Variants in EML4 observed in about 807,000 individuals in gnomAD.
EML4 encodes EMAP like 4.
EML4 carries 72 observed loss-of-function variants against 129.0 expected under a neutral mutation model. The ratio of observed to expected loss-of-function variants is 0.56; its 90% confidence interval spans 0.46 to 0.68. EML4 has a LOEUF of 0.68. Ranked by LOEUF, EML4 falls within the 30% of genes least tolerant of loss-of-function variation. EML4 has a pLI of 0.00. For synonymous variants in EML4, 532 were observed against 405.0 expected (o/e 1.31, Z -3.77); for missense variants, 1,363 against 1,190.6 (o/e 1.14, Z -2.13).
chr2:42,183,143 G>A (rs58257518), intron 1 of EML4, among the ~76,000 whole-genome samples: 21,124 of 152,054 alleles, frequency 0.14, 1,613 homozygotes, highest in Middle Eastern at 0.22. Flanking sequence ...TGACGGAGTG[G>A]TGACTGAAAC....
chr2:42,318,354 G>C (rs1234368988), intron 19 of EML4, among the ~76,000 whole-genome samples: 1 of 151,996 alleles, frequency 6.6e-6, no homozygotes, highest in Non-Finnish European at 1.5e-5. Context: ...CTTCAATATG[G>C]GTCTGAAATT....
At chr2:42,193,182 C>T (rs1329379256) in intron 1 of EML4, among the ~76,000 whole-genome samples, 1 of 152,112 alleles carries the variant, frequency 6.6e-6, no homozygotes, top group African/African-American at 2.4e-5. Context: ...GTATTCAGTG[C>T]AGTAGTATTC....
chr2:42,312,536 A>G (rs1448525345), intron 17 of EML4, among the ~76,000 whole-genome samples: 2 of 149,948 alleles, frequency 1.3e-5, no homozygotes, highest in Non-Finnish European at 3.0e-5. Flanking sequence ...TTCTACTGAT[A>G]ATAACCAATT....
At chr2:42,272,498 G>T (rs956249294) in intron 6 of EML4, among the ~76,000 whole-genome samples, 1 of 151,616 alleles carries the variant, frequency 6.6e-6, no homozygotes, top group African/African-American at 2.4e-5. Context: ...ATTTGTTTTG[G>T]TCTCAAACTC....
At position 42,263,250 on chromosome 2, in the gene EML4, G is replaced by A. The variant is rs1665844623; in HGVS notation, c.585G>A (p.Leu195=). Reference sequence around the variant, plus strand: ...ATTCAGATGATAGCCGTAATAAATTGTCGAAAATACCTTCAACACCCAAAT... The same window carrying A: ...ATTCAGATGATAGCCGTAATAAATTATCGAAAATACCTTCAACACCCAAAT... ...WENSDDSRNK[L]SKIPSTPKLI... The change falls in exon 5 of 23, where the codon TTG becomes TTA. Residue 195 remains leucine (L), a synonymous_variant. Transcript: ENST00000318522. 6.2e-7 allele frequency: 1 copy of A among 1,613,430 alleles called. No individual in the cohort carries two copies. The highest frequency in any genetic ancestry group is 8.5e-7 in the Non-Finnish European group (1 of 1,179,774).
At chr2:42,286,702 G>C (rs1048335373) in intron 10 of EML4, among the ~76,000 whole-genome samples, 17 of 152,262 alleles carry the variant, frequency 1.1e-4, no homozygotes, top group Admixed American at 9.2e-4. Context: ...CAAGCAATAG[G>C]ATGCATTTTT....
intron 6 of EML4, among the ~76,000 whole-genome samples, chr2:42,275,185 A>G (rs569960714): frequency 1.5e-4 from 23 of 152,340 alleles, no homozygotes; most frequent in East Asian, 1.2e-3. Context: ...TTTTAACTCA[A>G]TGTAGCCAAA....
intron 1 of EML4, among the ~76,000 whole-genome samples, chr2:42,193,691 T>C (rs1259424494): frequency 2.0e-5 from 3 of 152,036 alleles, no homozygotes; most frequent in African/African-American, 7.3e-5. Context: ...TTTTTTTTTT[T>C]CCTTTTCTTA....
At chr2:42,196,091 A>G (rs757146081) in intron 1 of EML4, among the ~76,000 whole-genome samples, 3 of 152,174 alleles carry the variant, frequency 2.0e-5, no homozygotes, top group Non-Finnish European at 4.4e-5. Context: ...AATCAGAGAG[A>G]TTTGAGATTG....
chr2:42,306,587 G>C (rs1344316810), intron 17 of EML4, among the ~76,000 whole-genome samples: 2 of 147,066 alleles, frequency 1.4e-5, no homozygotes, highest in African/African-American at 5.0e-5. Flanking sequence ...CCGCCTCCTG[G>C]GTTCACGCCA....
chr2:42,263,377 T>C, intron 5 of EML4, 71 bp downstream of exon 5: 1 of 998,950 alleles, frequency 1.0e-6, no homozygotes, highest in Non-Finnish European at 1.5e-6. Context: ...GCATGTACAG[T>C]TATGTATGTC....
intron 2 of EML4, among the ~76,000 whole-genome samples, chr2:42,254,456 T>TG (rs1675990101): frequency 7.6e-6 from 1 of 131,236 alleles, no homozygotes; most frequent in Non-Finnish European, 1.5e-5. Flanking sequence ...AGACTCTGTC[T>TG]CAAAAAAAAA....
At chr2:42,243,568 T>C (rs1166322111) in intron 1 of EML4, among the ~76,000 whole-genome samples, 10 of 152,144 alleles carry the variant, frequency 6.6e-5, no homozygotes, top group Admixed American at 6.5e-4. Flanking sequence ...TCAAAGAACT[T>C]GCCTAAGATT....
At chr2:42,239,396 C>T (rs1674874833) in intron 1 of EML4, among the ~76,000 whole-genome samples, 1 of 152,158 alleles carries the variant, frequency 6.6e-6, no homozygotes. Context: ...AACTGTGATT[C>T]AGTGTAATAA....
intron 14 of EML4, 54 bp from the exon 15 acceptor site, chr2:42,303,050 T>C: frequency 1.3e-6 from 2 of 1,556,420 alleles, no homozygotes; most frequent in South Asian, 2.3e-5. Flanking sequence ...AGGCTTCGAG[T>C]AGTAATTAAT....
chr2:42,250,590 C>T (rs1210541169), intron 2 of EML4, among the ~76,000 whole-genome samples: 1 of 151,924 alleles, frequency 6.6e-6, no homozygotes. Context: ...GCATTTTTTT[C>T]CTTGTTTGAG....
intron 10 of EML4, among the ~76,000 whole-genome samples, chr2:42,287,809 G>A (rs1667393494): frequency 1.3e-5 from 2 of 152,102 alleles, no homozygotes; most frequent in East Asian, 1.9e-4. Flanking sequence ...AGCTTATTCT[G>A]TCAAACTGTC....
chr2:42,305,305 T>C (rs2103737193), intron 17 of EML4, among the ~76,000 whole-genome samples: 1 of 152,212 alleles, frequency 6.6e-6, no homozygotes, highest in Admixed American at 6.5e-5. Context: ...CATGTGAGGA[T>C]AGGGAAAATG....
intron 11 of EML4, among the ~76,000 whole-genome samples, chr2:42,294,504 T>C (rs1464176988): frequency 6.6e-6 from 1 of 152,232 alleles, no homozygotes; most frequent in Non-Finnish European, 1.5e-5. Context: ...GAGCCCAGCC[T>C]AGCCAACATG....
Sources: allele counts gnomAD v4.1 joint callset (sites outside exome capture counted in the v4.1 genomes callset), GRCh38; gene constraint gnomAD v4.1.1; transcripts MANE v1.5; gene names NCBI Gene and HGNC (gene_info 2026-07-23, HGNC 2026-07-21).